ARHGAP44: variants seen among roughly 807,000 people sequenced by gnomAD.
The protein encoded by ARHGAP44 is rho GTPase-activating protein 44.
Under a neutral mutation model 106.8 loss-of-function variants are expected in ARHGAP44, and 43 were observed. The observed-to-expected ratio is 0.40, with a 90% CI of 0.32 to 0.52. The LOEUF (loss-of-function observed/expected upper bound fraction) is 0.52, where lower values mean the gene tolerates loss of function less well. Among genes scored for constraint, ARHGAP44 ranks in the 20% least tolerant of loss-of-function variants. The pLI is 0.48. For missense variants in ARHGAP44, 866 were observed against 1,050.5 expected (o/e 0.82, Z 2.43); for synonymous variants, 439 against 410.3 (o/e 1.07, Z -0.85).
chr17:12,792,623 G>T (rs1233846831), intron 1 of ARHGAP44, among the ~76,000 whole-genome samples: 1 of 152,216 alleles, frequency 6.6e-6, no homozygotes, highest in East Asian at 1.9e-4. Context: ...GACTTTAGGT[G>T]TGCAGTTATA....
chr17:12,973,547 G>C, intron 17 of ARHGAP44: 1 of 575,692 alleles, frequency 1.7e-6, no homozygotes, highest in Non-Finnish European at 3.1e-6. Flanking sequence ...CTGCAGAGGT[G>C]TGCCTTGGCC....
chr17:12,886,105 A>G (rs2036874136), intron 1 of ARHGAP44, among the ~76,000 whole-genome samples: 1 of 152,068 alleles, frequency 6.6e-6, no homozygotes, highest in East Asian at 1.9e-4. Flanking sequence ...TCCTTCCTCC[A>G]TTGAATTGCC....
intron 1 of ARHGAP44, among the ~76,000 whole-genome samples, chr17:12,796,641 G>A (rs1350101030): frequency 2.0e-5 from 3 of 150,536 alleles, no homozygotes; most frequent in Admixed American, 2.0e-4. Context: ...CTGTCACCCA[G>A]CCTGGAGTGC....
intron 1 of ARHGAP44, among the ~76,000 whole-genome samples, chr17:12,875,760 A>G (rs540900054): frequency 1.3e-5 from 2 of 152,294 alleles, no homozygotes; most frequent in Middle Eastern, 3.4e-3. Flanking sequence ...CCTGGCCAAC[A>G]TGGTGAAACC....
At chr17:12,883,547 A>G (rs1332228893) in intron 1 of ARHGAP44, among the ~76,000 whole-genome samples, 2 of 147,304 alleles carry the variant, frequency 1.4e-5, no homozygotes, top group African/African-American at 5.2e-5. Flanking sequence ...TTTGATATAC[A>G]GTATTTTCAT....
chr17:12,807,369 A>T (rs2034304921), intron 1 of ARHGAP44, among the ~76,000 whole-genome samples: 1 of 152,122 alleles, frequency 6.6e-6, no homozygotes, highest in Admixed American at 6.6e-5. Flanking sequence ...GATGTAGAGG[A>T]TGTATTTGTC....
At chr17:12,836,613 C>T (rs62060439) in intron 1 of ARHGAP44, among the ~76,000 whole-genome samples, 7,263 of 151,830 alleles carry the variant, frequency 0.048, 216 homozygotes, top group African/African-American at 0.087. Context: ...ACCGAGATCA[C>T]GCCACTGCAC....
intron 13 of ARHGAP44, among the ~76,000 whole-genome samples, chr17:12,953,399 C>G (rs2039047470): frequency 6.6e-6 from 1 of 152,212 alleles, no homozygotes; most frequent in African/African-American, 2.4e-5. Flanking sequence ...TTTTCAGCAT[C>G]AGCACCTACT....
At chr17:12,970,365 CAAAAAAA>C (rs66577680) in intron 16 of ARHGAP44, among the ~76,000 whole-genome samples, 4 of 55,194 alleles carry the variant, frequency 7.2e-5, no homozygotes, top group South Asian at 8.2e-4. Context: ...GACCCTGTCT[CAAAAAAA>C]AAAAAAAAAA....
At chr17:12,892,919 C>T (rs886781592) in intron 1 of ARHGAP44, among the ~76,000 whole-genome samples, 7 of 151,628 alleles carry the variant, frequency 4.6e-5, no homozygotes, top group South Asian at 4.2e-4. Context: ...TATTACTACA[C>T]GTTGAAGCAT....
chr17:12,980,515 G>A (rs1003520037), intron 19 of ARHGAP44, among the ~76,000 whole-genome samples: 1 of 152,176 alleles, frequency 6.6e-6, no homozygotes, highest in Non-Finnish European at 1.5e-5. Context: ...ACAATGATGT[G>A]TGTTTTCCAG....
intron 1 of ARHGAP44, among the ~76,000 whole-genome samples, chr17:12,810,676 A>G (rs2034411073): frequency 6.6e-6 from 1 of 152,174 alleles, no homozygotes; most frequent in Non-Finnish European, 1.5e-5. Flanking sequence ...GTGAGAGCAC[A>G]TTGATGTGCT....
At chr17:12,931,415 T>A (rs781571889) in intron 7 of ARHGAP44, among the ~76,000 whole-genome samples, 1 of 152,048 alleles carries the variant, frequency 6.6e-6, no homozygotes, top group Non-Finnish European at 1.5e-5. Flanking sequence ...TTTATATTAA[T>A]CTACCATTTA....
At position 12,958,911 on chromosome 17, in the gene ARHGAP44, T is replaced by C; in HGVS notation, c.1523+14T>C. On this transcript the variant is annotated intron_variant, in intron 16 of 20. Transcript: ENST00000379672. The surrounding 1 kb of genome is among the most constrained non-coding windows in gnomAD (Gnocchi z 4.1). ...CAAAAAGGATGGGTATGAACTGGTG[T>C]CTCTTTCTCAGCACTGGGGATTAGG... The C allele has an allele frequency of 6.3e-7, 1 of 1,596,626 alleles. No homozygotes were observed. The highest frequency in any genetic ancestry group is 8.5e-7 in the Non-Finnish European group (1 of 1,171,266).
chr17:12,975,104 C>T (rs1598148644), intron 18 of ARHGAP44, among the ~76,000 whole-genome samples: 1 of 152,106 alleles, frequency 6.6e-6, no homozygotes, highest in African/African-American at 2.4e-5. Context: ...CCCGCCTCGG[C>T]CTCCCAAACT....
Position 12,885,537 on chromosome 17 carries a change from G to A in ARHGAP44, c.54-9403G>A, listed in dbSNP as rs549610822. The stretch of plus-strand genomic sequence containing the variant: ...TCAAGAACTTGATGTGTGTGTGAGT[G>A]TGTGTTTGTGTGTGTGTGTGTTGTC... On this transcript the variant is annotated intron_variant, in intron 1 of 20. Transcript: ENST00000379672. Among the ~76,000 whole-genome samples the A allele has an allele frequency of 1.4e-3, 206 of 152,106 alleles. 1 individual carries two copies. In the Middle Eastern group the frequency reaches 0.02, roughly 15 times the overall value.
chr17:12,889,137 T>G (rs895788401), intron 1 of ARHGAP44, among the ~76,000 whole-genome samples: 4 of 152,196 alleles, frequency 2.6e-5, no homozygotes, highest in Admixed American at 2.6e-4. Context: ...GTTCTTTCTG[T>G]TTTTCATTGC....
intron 1 of ARHGAP44, among the ~76,000 whole-genome samples, chr17:12,881,288 A>G (rs1197059595): frequency 6.6e-6 from 1 of 152,002 alleles, no homozygotes; most frequent in African/African-American, 2.4e-5. Context: ...AGGCGTTTTA[A>G]TATCTCACCT....
chr17:12,907,881 A>G (rs1259894015), intron 3 of ARHGAP44, among the ~76,000 whole-genome samples: 2 of 152,152 alleles, frequency 1.3e-5, no homozygotes, highest in Non-Finnish European at 2.9e-5. Context: ...TTATTGAGAT[A>G]CTAAGTACAC....
Sources: gnomAD v4.1 joint callset for allele counts (sites outside exome capture counted in the v4.1 genomes callset) on GRCh38, gnomAD v4.1.1 for gene constraint, Gnocchi (gnomAD v3.1) non-coding constraint, MANE v1.5 for transcripts, NCBI Gene and HGNC (gene_info 2026-07-23, HGNC 2026-07-21) for gene names.